ZBTB44: variants seen among roughly 807,000 people sequenced by gnomAD.
The protein encoded by ZBTB44 is zinc finger and BTB domain-containing protein 44.
ZBTB44 carries 15 observed loss-of-function variants against 54.0 expected under a neutral mutation model. The observed-to-expected ratio is 0.28, with a 90% CI of 0.19 to 0.43. ZBTB44 has a LOEUF of 0.43. Among genes scored for constraint, ZBTB44 ranks in the 20% least tolerant of loss-of-function variants. ZBTB44 has a pLI of 1.00. For synonymous variants in ZBTB44, 230 were observed against 250.1 expected (o/e 0.92, Z 0.76); for missense variants, 487 against 707.1 (o/e 0.69, Z 3.53).
intron 1 of ZBTB44, among the ~76,000 whole-genome samples, chr11:130,297,744 T>C (rs1941735956): frequency 6.6e-6 from 1 of 152,174 alleles, no homozygotes; most frequent in Admixed American, 6.5e-5. Context: ...TATGCCTGAT[T>C]TCGAACTTCA....
intron 1 of ZBTB44, among the ~76,000 whole-genome samples, chr11:130,266,975 A>T (rs1047947740): frequency 5.3e-5 from 8 of 152,064 alleles, no homozygotes; most frequent in Non-Finnish European, 8.8e-5. Flanking sequence ...TTAATTAAAA[A>T]TTTTTTTTAG....
At chr11:130,295,186 A>C (rs985410301) in intron 1 of ZBTB44, among the ~76,000 whole-genome samples, 2 of 152,180 alleles carry the variant, frequency 1.3e-5, no homozygotes, top group African/African-American at 4.8e-5. Context: ...CCCTGTCAGA[A>C]ACTCAAAATG....
At chr11:130,295,863 G>A in intron 1 of ZBTB44, 2 of 1,422,536 alleles carry the variant, frequency 1.4e-6, no homozygotes, top group Middle Eastern at 2.4e-4. Context: ...GTGTTCTTAA[G>A]GAGCTAAAGA....
intron 1 of ZBTB44, among the ~76,000 whole-genome samples, chr11:130,300,021 C>G (rs1941905688): frequency 1.3e-5 from 2 of 152,118 alleles, no homozygotes; most frequent in African/African-American, 4.8e-5. Flanking sequence ...CACAAACAAA[C>G]CTTGAAGACA....
rs77699031 is a variant in ZBTB44, at chr11:130,240,188, C to T, written c.1019-292G>A. Among the ~76,000 whole-genome samples the T allele has an allele frequency of 1.4e-3, 210 of 152,142 alleles. 5 individuals carry two copies. In the East Asian group the frequency reaches 0.026, roughly 19 times the overall value. Reference sequence around the variant, plus strand: ...TCCCGAGTAGCTGGGACTACGGGCGCCCGACACCACGCCCGGCTCATTTTT... The same window carrying T: ...TCCCGAGTAGCTGGGACTACGGGCGTCCGACACCACGCCCGGCTCATTTTT... On this transcript the variant is annotated intron_variant, in intron 2 of 7. Transcript: ENST00000357899.
intron 1 of ZBTB44, among the ~76,000 whole-genome samples, chr11:130,267,067 C>G (rs1443270874): frequency 6.6e-6 from 1 of 152,028 alleles, no homozygotes; most frequent in Non-Finnish European, 1.5e-5. Context: ...GAGTTCAAGA[C>G]CAGCCTGGCA....
intron 2 of ZBTB44, among the ~76,000 whole-genome samples, chr11:130,255,572 G>A (rs1938363344): frequency 1.3e-5 from 2 of 152,056 alleles, no homozygotes; most frequent in East Asian, 1.9e-4. Flanking sequence ...AACCGAAAGA[G>A]ACACACGAAA....
At chr11:130,301,172 G>A (rs914645100) in intron 1 of ZBTB44, among the ~76,000 whole-genome samples, 3 of 152,166 alleles carry the variant, frequency 2.0e-5, no homozygotes, top group African/African-American at 7.2e-5. Context: ...AACAGGCGGA[G>A]GCCCAGGCTG....
chr11:130,299,553 G>A (rs973119841), intron 1 of ZBTB44, among the ~76,000 whole-genome samples: 24 of 149,040 alleles, frequency 1.6e-4, no homozygotes, highest in African/African-American at 5.4e-4. Flanking sequence ...ACTTCGTCTC[G>A]GGGACAAAAA....
chr11:130,293,178 T>C (rs1941405821), intron 1 of ZBTB44, among the ~76,000 whole-genome samples: 1 of 152,112 alleles, frequency 6.6e-6, no homozygotes, highest in African/African-American at 2.4e-5. Flanking sequence ...AAGATAATTT[T>C]AGGCCTGGAA....
chr11:130,259,976 AAAC>A (rs1475552239), intron 2 of ZBTB44, among the ~76,000 whole-genome samples: 3 of 151,282 alleles, frequency 2.0e-5, no homozygotes, highest in Admixed American at 6.6e-5. Flanking sequence ...CTGCCAGAGA[AAAC>A]AACTATAAAT....
chr11:130,266,098 T>A (rs1939230101), intron 1 of ZBTB44, among the ~76,000 whole-genome samples: 1 of 152,216 alleles, frequency 6.6e-6, no homozygotes, highest in African/African-American at 2.4e-5. Flanking sequence ...GGGATGCCTC[T>A]CTTGTAAGCG....
intron 1 of ZBTB44, 116 bp from the exon 2 acceptor site, chr11:130,262,045 G>A: frequency 1.3e-6 from 1 of 761,426 alleles, no homozygotes; most frequent in Admixed American, 3.0e-5. Flanking sequence ...GGTAGTGACA[G>A]AGAAACTTCA....
chr11:130,292,909 T>G (rs904492555), intron 1 of ZBTB44, among the ~76,000 whole-genome samples: 15 of 152,202 alleles, frequency 9.9e-5, no homozygotes, highest in Non-Finnish European at 2.1e-4. Context: ...ACTTTACAAA[T>G]AGAGCAGTAC....
rs1938480424 is a variant in ZBTB44 at position 130,256,835 on chromosome 11, C to A, written c.1018+4021G>T. Among the ~76,000 whole-genome samples, 5 of 151,978 alleles carry A rather than the reference C, an allele frequency of 3.3e-5. No homozygotes were observed. In the South Asian group the frequency reaches 1.0e-3, roughly 32 times the overall value. On this transcript the variant is annotated intron_variant, in intron 2 of 7. Coordinates refer to ENST00000357899, the MANE Select transcript of ZBTB44 (RefSeq NM_001301098.2). ...AGAAAGCATTCCCTTTGAAAACCGG[C>A]ACAAGACAAGGATGCTCTCTCTCAC...
At chr11:130,246,663 G>C (rs897615100) in intron 2 of ZBTB44, among the ~76,000 whole-genome samples, 1 of 152,154 alleles carries the variant, frequency 6.6e-6, no homozygotes, top group African/African-American at 2.4e-5. Flanking sequence ...CTCCTACTGA[G>C]TATTTACCAT....
intron 1 of ZBTB44, among the ~76,000 whole-genome samples, chr11:130,271,095 A>G (rs1303588331): frequency 6.6e-6 from 1 of 152,230 alleles, no homozygotes; most frequent in African/African-American, 2.4e-5. Context: ...ATTGCACATA[A>G]CATACAACAG....
intron 1 of ZBTB44, among the ~76,000 whole-genome samples, chr11:130,268,286 A>G (rs1489828572): frequency 6.6e-6 from 1 of 151,588 alleles, no homozygotes; most frequent in Non-Finnish European, 1.5e-5. Context: ...CATGTGGCAA[A>G]CTTCATCACT....
chr11:130,230,115 T>C lies in ZBTB44; in HGVS notation c.*1649A>G, dbSNP rs1021551346. 7 of 152,102 alleles carry C rather than the reference T, an allele frequency of 4.6e-5. No homozygotes were observed. Among genetic ancestry groups the C allele is most frequent in the Admixed American group, 2.0e-4 (3 of 15,284 alleles). The allele number at this position is 152,102 out of a possible 1,614,324, so 9.4% of individuals were successfully genotyped here. On this transcript the variant is annotated 3_prime_UTR_variant, in exon 8 of 8. Coordinates refer to ENST00000357899, the MANE Select transcript of ZBTB44 (RefSeq NM_001301098.2). ...ACAGAATTGCCACATTATACAGTAA[T>C]GTATTTTTCAAGGACTATTAAAGCT...
Sources: allele counts gnomAD v4.1 joint callset (sites outside exome capture counted in the v4.1 genomes callset), GRCh38; gene constraint gnomAD v4.1.1; transcripts MANE v1.5; gene names NCBI Gene and HGNC (gene_info 2026-07-23, HGNC 2026-07-21).